The following MECOM variants were observed in gnomAD, a reference collection of about 807,000 sequenced individuals.
The protein encoded by MECOM is MDS1 and EVI1 complex locus, also known as histone-lysine N-methyltransferase MECOM.
A neutral mutation model predicts 116.3 loss-of-function variants in MECOM; 13 were observed. The observed-to-expected ratio is 0.11, with a 90% CI of 0.07 to 0.18. The LOEUF (loss-of-function observed/expected upper bound fraction) is 0.18, where lower values mean the gene tolerates loss of function less well. Among genes scored for constraint, MECOM ranks in the 10% least tolerant of loss-of-function variants. MECOM has a pLI of 1.00. For missense variants in MECOM, 1,299 were observed against 1,509.0 expected (o/e 0.86, Z 2.31); for synonymous variants, 528 against 535.2 (o/e 0.99, Z 0.19).
intron 2 of MECOM, among the ~76,000 whole-genome samples, chr3:169,172,132 C>T (rs1201020149): frequency 7.0e-6 from 1 of 143,870 alleles, no homozygotes; most frequent in Non-Finnish European, 1.5e-5. Flanking sequence ...TGAAAAAATA[C>T]CAAAAAAAAA....
intron 1 of MECOM, among the ~76,000 whole-genome samples, chr3:169,431,958 A>G (rs1741710004): frequency 6.6e-6 from 1 of 152,028 alleles, no homozygotes; most frequent in Non-Finnish European, 1.5e-5. Flanking sequence ...CTGATACTTC[A>G]AGATAAATCA....
intron 13 of MECOM, among the ~76,000 whole-genome samples, chr3:169,094,379 C>T (rs774350514): frequency 6.6e-6 from 1 of 152,156 alleles, no homozygotes; most frequent in African/African-American, 2.4e-5. Context: ...CATATGCCAG[C>T]TGGCAAATGT....
intron 2 of MECOM, among the ~76,000 whole-genome samples, chr3:169,339,312 C>T (rs929459231): frequency 5.3e-5 from 8 of 152,214 alleles, no homozygotes; most frequent in African/African-American, 1.9e-4. Flanking sequence ...TTCTTGGGCT[C>T]ACCCCAGACT....
At chr3:169,539,508 T>C (rs1405008566) in intron 1 of MECOM, among the ~76,000 whole-genome samples, 6 of 152,324 alleles carry the variant, frequency 3.9e-5, no homozygotes, top group African/African-American at 1.4e-4. Flanking sequence ...TCTTCCAGTG[T>C]CTGTCTATGT....
At chr3:169,452,089 A>G (rs1745698115) in intron 1 of MECOM, among the ~76,000 whole-genome samples, 1 of 152,084 alleles carries the variant, frequency 6.6e-6, no homozygotes, top group Non-Finnish European at 1.5e-5. Flanking sequence ...CGATTTTTAA[A>G]AAAACTTTGA....
At chr3:169,365,940 T>C (rs1351203504) in intron 2 of MECOM, among the ~76,000 whole-genome samples, 1 of 152,030 alleles carries the variant, frequency 6.6e-6, no homozygotes, top group African/African-American at 2.4e-5. Context: ...ATCTATTTCT[T>C]TAGATATCAT....
At chr3:169,360,519 G>T (rs893181985) in intron 2 of MECOM, among the ~76,000 whole-genome samples, 4 of 151,470 alleles carry the variant, frequency 2.6e-5, no homozygotes, top group African/African-American at 9.7e-5. Context: ...CATAATTAAA[G>T]AAAAATTTAA....
intron 1 of MECOM, among the ~76,000 whole-genome samples, chr3:169,608,562 T>C (rs1354933349): frequency 1.3e-5 from 2 of 152,174 alleles, no homozygotes; most frequent in Non-Finnish European, 2.9e-5. Flanking sequence ...CCTCCATTTG[T>C]GTTTCCAGTC....
At position 169,553,453 on chromosome 3, in the gene MECOM, C is replaced by T. The variant is rs187766027; in HGVS notation, c.37+109883G>A. ...TTTGTCTATTTTGCTCATTATGTCC[C>T]AAGTACCTATAAGAGCATTTGAATG... On this transcript the variant is annotated intron_variant, in intron 1 of 16. Transcript: ENST00000651503. Among the ~76,000 whole-genome samples, 8 of 152,284 alleles carry T rather than the reference C, an allele frequency of 5.3e-5. No individual in the cohort carries two copies. The East Asian group carries it at 1.3e-3, about 26-fold the overall frequency.
intron 1 of MECOM, among the ~76,000 whole-genome samples, chr3:169,382,340 T>C (rs916982348): frequency 3.3e-5 from 5 of 151,958 alleles, no homozygotes; most frequent in African/African-American, 1.2e-4. Flanking sequence ...GAGCAGCACC[T>C]GGGGAGGTGG....
chr3:169,547,870 G>T lies in MECOM; in HGVS notation c.37+115466C>A, dbSNP rs572026002. The stretch of plus-strand genomic sequence containing the variant: ...CAGCCACAAGCCAGAGAATGCCAAG[G>T]GTTGCCAGCAGCCACCAAAAGCCAT... On this transcript the variant is annotated intron_variant, in intron 1 of 16. Transcript: ENST00000651503. Among the ~76,000 whole-genome samples the T allele has an allele frequency of 2.6e-5, 4 of 152,126 alleles. No homozygotes were observed. The East Asian group carries it at 5.8e-4, about 22-fold the overall frequency.
intron 1 of MECOM, among the ~76,000 whole-genome samples, chr3:169,477,524 G>C (rs1438813598): frequency 6.6e-6 from 1 of 152,076 alleles, no homozygotes; most frequent in South Asian, 2.1e-4. Context: ...ATTAATCTTT[G>C]GCCAAGAGCA....
chr3:169,268,210 G>A (rs961196519), intron 2 of MECOM, among the ~76,000 whole-genome samples: 1 of 152,152 alleles, frequency 6.6e-6, no homozygotes, highest in African/African-American at 2.4e-5. Flanking sequence ...AAAGATGTAT[G>A]TCTAAGTTTA....
At chr3:169,544,375 A>T (rs1760461436) in intron 1 of MECOM, among the ~76,000 whole-genome samples, 1 of 152,172 alleles carries the variant, frequency 6.6e-6, no homozygotes, top group Admixed American at 6.5e-5. Flanking sequence ...TTGGGTATAT[A>T]CCCAGTAATG....
rs1560554280 is a variant in MECOM, at chr3:169,663,524, CT to C, written c.-153del. The C allele has an allele frequency of 1.0e-4, 65 of 644,408 alleles. No homozygotes were observed. Among genetic ancestry groups the C allele is most frequent in the African/African-American group, 2.4e-4 (12 of 50,908 alleles). 39.9% of individuals were successfully genotyped at this position (644,408 alleles called of 1,614,324 possible). A position where few individuals can be genotyped will look rare whatever the true frequency, so the allele number is the denominator to read the frequency against. On this transcript the variant is annotated 5_prime_UTR_variant, in exon 1 of 17. Coordinates refer to ENST00000651503, the MANE Select transcript of MECOM (RefSeq NM_004991.4). Reference sequence around the variant, plus strand: ...TCTCTCTCTCTCTCTCTCTCTCTCTCTCTCTCCCTCCCTCCTGTTTCTCTCC... The same window carrying C: ...TCTCTCTCTCTCTCTCTCTCTCTCTCCTCTCCCTCCCTCCTGTTTCTCTCC...
intron 1 of MECOM, among the ~76,000 whole-genome samples, chr3:169,583,387 G>A (rs1325771098): frequency 6.6e-6 from 1 of 152,158 alleles, no homozygotes. Flanking sequence ...TGTTGGGGTT[G>A]TACATTCTAC....
chr3:169,360,687 G>GA (rs928536978), intron 2 of MECOM, among the ~76,000 whole-genome samples: 7 of 151,326 alleles, frequency 4.6e-5, no homozygotes, highest in African/African-American at 1.7e-4. Context: ...GCCCAGGGGG[G>GA]AAAAAAAAGC....
chr3:169,661,833 C>CA (rs1316216168), intron 1 of MECOM, among the ~76,000 whole-genome samples: 1 of 152,164 alleles, frequency 6.6e-6, no homozygotes, highest in African/African-American at 2.4e-5. Flanking sequence ...AGAAGCATCC[C>CA]ACCCATCTCC....
intron 1 of MECOM, among the ~76,000 whole-genome samples, chr3:169,549,631 TTCA>T (rs1261528603): frequency 2.0e-5 from 3 of 152,192 alleles, no homozygotes; most frequent in African/African-American, 7.2e-5. Context: ...TCCTCGATTC[TTCA>T]TCTGCCTGAG....
Sources: gnomAD v4.1 joint callset for allele counts (sites outside exome capture counted in the v4.1 genomes callset) on GRCh38, gnomAD v4.1.1 for gene constraint, MANE v1.5 for transcripts, NCBI Gene and HGNC (gene_info 2026-07-23, HGNC 2026-07-21) for gene names.